The following C2CD5 variants were observed in gnomAD, a reference collection of about 807,000 sequenced individuals.
The protein encoded by C2CD5 is C2 calcium dependent domain containing 5.
C2CD5 carries 109 observed loss-of-function variants against 130.3 expected under a neutral mutation model. The ratio of observed to expected loss-of-function variants is 0.84; its 90% CI spans 0.72 to 0.98. The LOEUF (loss-of-function observed/expected upper bound fraction) is 0.98. Ranked by LOEUF, C2CD5 falls within the 50% of genes least tolerant of loss-of-function variation. C2CD5 has a pLI of 0.00. For missense variants in C2CD5, 996 were observed against 1,261.8 expected, an observed-to-expected ratio of 0.79 and a Z score of 3.19; for synonymous variants, 454 against 429.2, an observed-to-expected ratio of 1.06 and a Z score of -0.71.
chr12:22,451,671 C>T (rs1938634473), intron 26 of C2CD5, among the ~76,000 whole-genome samples: 1 of 150,744 alleles, frequency 6.6e-6, no homozygotes, highest in South Asian at 2.1e-4. Flanking sequence ...AATATCAACA[C>T]TACAAAGTAC....
intron 12 of C2CD5, among the ~76,000 whole-genome samples, chr12:22,486,538 T>A (rs1945548283): frequency 6.6e-6 from 1 of 152,176 alleles, no homozygotes; most frequent in Non-Finnish European, 1.5e-5. Flanking sequence ...ACTAGCACAT[T>A]GCATTTTTTC....
chr12:22,488,294 C>T (rs533441235), intron 12 of C2CD5, among the ~76,000 whole-genome samples: 2 of 151,962 alleles, frequency 1.3e-5, no homozygotes, highest in South Asian at 2.1e-4. Context: ...CAAGGCAAGA[C>T]GTAGGAAATC....
chr12:22,515,816 C>T (rs1226667607), intron 8 of C2CD5, among the ~76,000 whole-genome samples: 1 of 151,718 alleles, frequency 6.6e-6, no homozygotes, highest in African/African-American at 2.4e-5. Context: ...GTCAAATACC[C>T]TCTATAAAAA....
At chr12:22,497,262 T>G (rs1229733917) in intron 10 of C2CD5, among the ~76,000 whole-genome samples, 1 of 152,070 alleles carries the variant, frequency 6.6e-6, no homozygotes, top group Non-Finnish European at 1.5e-5. Context: ...AACACTGTAC[T>G]GTATATGTCA....
intron 12 of C2CD5, among the ~76,000 whole-genome samples, chr12:22,488,613 T>C (rs1413711124): frequency 2.6e-5 from 4 of 152,092 alleles, no homozygotes; most frequent in Admixed American, 2.6e-4. Flanking sequence ...AAGAACTATA[T>C]TGTATCACTG....
Position 22,471,488 on chromosome 12 carries a change from T to C in C2CD5, c.2269A>G (p.Ser757Gly). 6.5e-7 allele frequency: 1 copy of C among 1,538,326 alleles called. No individual in the cohort carries two copies. Among genetic ancestry groups the C allele is most frequent in the Non-Finnish European group, 8.8e-7 (1 of 1,133,232 alleles). The change falls in exon 20 of 27, where the codon AGC becomes GGC. Residue 757 changes from serine (S) to glycine (G), a missense_variant and splice_region_variant. Transcript: ENST00000446597. ...ATAGATCGTAGTTTAAAGTACAGGC[T>C]CTACACAATAGAAAATATTAGTAAT... The part of the protein sequence containing the change: ...FNDLCENLLK[S>G]LYFKLRSMIP...
Position 22,449,514 on chromosome 12 carries a change from G to T in C2CD5, c.*246C>A. ...ATTACAAAGGTTCCATCTTTGCTACGGTTCTTTTAAAAATTTATCTTAACT... is the reference window on the plus strand; with the variant it reads ...ATTACAAAGGTTCCATCTTTGCTACTGTTCTTTTAAAAATTTATCTTAACT... On this transcript the variant is annotated 3_prime_UTR_variant, in exon 27 of 27. Coordinates refer to ENST00000446597, the MANE Select transcript of C2CD5 (RefSeq NM_001286176.2). 1 of 323,318 alleles carries T rather than the reference G, an allele frequency of 3.1e-6. No homozygotes were observed. Among genetic ancestry groups the T allele is most frequent in the Non-Finnish European group, 5.7e-6 (1 of 176,826 alleles). 20.0% of individuals were successfully genotyped at this position (323,318 alleles called of 1,614,324 possible).
Position 22,495,321 on chromosome 12 carries a change from T to C in C2CD5, c.1148-1984A>G, listed in dbSNP as rs528970037. Among the ~76,000 whole-genome samples the C allele has an allele frequency of 6.6e-5, 10 of 152,198 alleles. No homozygotes were observed. In the South Asian group the frequency reaches 1.9e-3, roughly 28 times the overall value. On this transcript the variant is annotated intron_variant, in intron 10 of 26. Coordinates refer to ENST00000446597, the MANE Select transcript of C2CD5 (RefSeq NM_001286176.2). ...TAAAAATGAATTTTACAGAAAGTAA[T>C]CCATAAACAGTGTTTTAGAAATTAA...
intron 2 of C2CD5, among the ~76,000 whole-genome samples, chr12:22,537,032 ACATTCAAAAT>A (rs1951883364): frequency 6.6e-6 from 1 of 152,200 alleles, no homozygotes; most frequent in African/African-American, 2.4e-5. Flanking sequence ...ATTTATAAAA[ACATTCAAAAT>A]CATTCAAAAG....
chr12:22,523,198 A>G (rs1308584175), intron 7 of C2CD5, among the ~76,000 whole-genome samples: 1 of 152,210 alleles, frequency 6.6e-6, no homozygotes, highest in Non-Finnish European at 1.5e-5. Flanking sequence ...TGGGCAACAG[A>G]GCAAGACCCT....
chr12:22,537,610 G>A, intron 2 of C2CD5, among the ~76,000 whole-genome samples: 1 of 152,154 alleles, frequency 6.6e-6, no homozygotes. Context: ...CCCCAGTAAA[G>A]TAAAGCATTC....
chr12:22,518,275 A>C, intron 7 of C2CD5, 138 bp from the exon 8 acceptor site: 1 of 754,748 alleles, frequency 1.3e-6, no homozygotes, highest in South Asian at 1.5e-5. Flanking sequence ...GAATGAGGCC[A>C]AAGACAACCA....
chr12:22,525,603 T>C lies in C2CD5; in HGVS notation c.445+7A>G, dbSNP rs750483875. The C allele has an allele frequency of 1.6e-6, 2 of 1,286,590 alleles. No individual in the cohort carries two copies. Among genetic ancestry groups the C allele is most frequent in the Non-Finnish European group, 2.3e-6 (2 of 882,596 alleles). 79.7% of individuals were successfully genotyped at this position (1,286,590 alleles called of 1,614,324 possible). On this transcript the variant is annotated splice_region_variant and intron_variant, in intron 5 of 26. Coordinates refer to ENST00000446597, the MANE Select transcript of C2CD5 (RefSeq NM_001286176.2). ...TTCCTGTTGAGTAATAGAATGTATT[T>C]ACTTACTGCAAAAGAATTTGACTCC...
chr12:22,530,111 TACACACACACAC>T (rs199603129), intron 3 of C2CD5, among the ~76,000 whole-genome samples: 1,931 of 87,430 alleles, frequency 0.022, 36 homozygotes, highest in South Asian at 0.045. Flanking sequence ...TATATATATA[TACACACACACAC>T]ACACACACAC....
In C2CD5 at chr12:22,449,787, T is replaced by C; in HGVS notation, c.3129A>G (p.Ser1043=). 6.2e-7 allele frequency: 1 copy of C among 1,607,420 alleles called. No homozygotes were observed. Among genetic ancestry groups the C allele is most frequent in the Non-Finnish European group, 8.5e-7 (1 of 1,175,078 alleles). The part of the protein sequence containing the change: ...SQQPTTNCQS[S]CTEGEVTT The stretch of plus-strand genomic sequence containing the variant: ...AGGTTGTAACTTCGCCTTCAGTACA[T>C]GATGACTGGCAGTTGGTAGTAGGTT... The change falls in exon 27 of 27, where the codon TCA becomes TCG. Residue 1043 remains serine, a synonymous_variant. Transcript: ENST00000446597.
intron 26 of C2CD5, among the ~76,000 whole-genome samples, chr12:22,452,459 T>A (rs1938873366): frequency 6.6e-6 from 1 of 152,094 alleles, no homozygotes; most frequent in Non-Finnish European, 1.5e-5. Context: ...CGCCAAATCT[T>A]ATCAATAAGC....
chr12:22,524,348 G>C (rs1478436740), intron 6 of C2CD5, 124 bp downstream of exon 6: 1 of 727,798 alleles, frequency 1.4e-6, no homozygotes, highest in Non-Finnish European at 2.3e-6. Context: ...TGGCCCAGGG[G>C]AAGGCATGCA....
At position 22,482,624 on chromosome 12, in the gene C2CD5, C is replaced by A; in HGVS notation, c.1670G>T (p.Gly557Val). The change falls in exon 14 of 27, where the codon GGA (glycine) becomes GTA (valine). Residue 557 changes from glycine to valine, a missense_variant. Gly to Val is a moderately radical substitution (Grantham distance 109). Transcript: ENST00000446597. ...TCTTAGTCCAAACAAAGCATTCATTCCTTTGAGTTTTAGTTTATTCATTAG... is the reference window on the plus strand; with the variant it reads ...TCTTAGTCCAAACAAAGCATTCATTACTTTGAGTTTTAGTTTATTCATTAG... ...TQLMNKLKLK[G>V]MNALFGLRIQ... is the part of the protein sequence containing the mutation. 2 of 1,613,522 alleles carry A rather than the reference C, an allele frequency of 1.2e-6. No homozygotes were observed. The highest frequency in any genetic ancestry group is 2.2e-5 in the South Asian group (2 of 91,056).
intron 14 of C2CD5, among the ~76,000 whole-genome samples, chr12:22,478,931 G>A (rs1181338283): frequency 6.6e-6 from 1 of 152,120 alleles, no homozygotes; most frequent in Non-Finnish European, 1.5e-5. Flanking sequence ...GTATACATAG[G>A]ACATCTCTGG....
Sources: allele counts gnomAD v4.1 joint callset (sites outside exome capture counted in the v4.1 genomes callset), GRCh38; gene constraint gnomAD v4.1.1; transcripts MANE v1.5; gene names NCBI Gene and HGNC (gene_info 2026-07-23, HGNC 2026-07-21).